SEMA5A: variants seen among roughly 807,000 people sequenced by gnomAD.
The protein encoded by SEMA5A is semaphorin 5A.
A neutral mutation model predicts 135.5 loss-of-function variants in SEMA5A; 55 were observed. The observed-to-expected ratio is 0.41, with a 90% CI of 0.33 to 0.51. The LOEUF is 0.51. SEMA5A is among the 20% of genes least tolerant of loss of function. The probability of loss-of-function intolerance (pLI) is 0.37; values close to 1 mark genes in which losing one functional copy is unlikely to be tolerated. For synonymous variants in SEMA5A, 580 were observed against 546.5 expected (o/e 1.06, Z -0.85); for missense variants, 1,290 against 1,419.9 (o/e 0.91, Z 1.47).
intron 5 of SEMA5A, among the ~76,000 whole-genome samples, chr5:9,281,678 G>T (rs1190080967): frequency 1.3e-5 from 2 of 152,120 alleles, no homozygotes; most frequent in Admixed American, 6.5e-5. Flanking sequence ...TCACCAAATA[G>T]GGTAAGGCAA....
At chr5:9,104,102 A>C (rs1207445109) in intron 16 of SEMA5A, among the ~76,000 whole-genome samples, 2 of 152,176 alleles carry the variant, frequency 1.3e-5, no homozygotes, top group African/African-American at 2.4e-5. Flanking sequence ...TGTGTCATTA[A>C]ATTCTATTTG....
intron 2 of SEMA5A, among the ~76,000 whole-genome samples, chr5:9,402,477 T>A (rs1050638240): frequency 2.0e-5 from 3 of 152,222 alleles, no homozygotes; most frequent in African/African-American, 7.2e-5. Flanking sequence ...ATTCTCTTTT[T>A]TCTTCTTCTA....
chr5:9,162,448 G>GCA (rs1579514532), intron 11 of SEMA5A, among the ~76,000 whole-genome samples: 1 of 94,396 alleles, frequency 1.1e-5, no homozygotes, highest in East Asian at 3.3e-4. Context: ...ATGTGTATGT[G>GCA]TATATATATG....
At chr5:9,245,620 A>C (rs2150475101) in intron 5 of SEMA5A, among the ~76,000 whole-genome samples, 1 of 152,326 alleles carries the variant, frequency 6.6e-6, no homozygotes, top group South Asian at 2.1e-4. Flanking sequence ...CGGACACCTT[A>C]TTCCGTACTC....
At position 9,357,974 on chromosome 5, in the gene SEMA5A, A is replaced by G. The variant is rs145696821; in HGVS notation, c.125-20162T>C. On this transcript the variant is annotated intron_variant, in intron 3 of 22. Transcript: ENST00000382496. ...CATTTTCCAGTGCTGAAATTCAACT[A>G]AGAAACAGGGATTGTTGAATTTTGT... Among the ~76,000 whole-genome samples the G allele has an allele frequency of 1.5e-3, 223 of 152,336 alleles. 1 individual carries two copies. The highest frequency in any genetic ancestry group is 5.1e-3 in the African/African-American group (211 of 41,588).
intron 1 of SEMA5A, among the ~76,000 whole-genome samples, chr5:9,476,936 C>T (rs947788695): frequency 6.6e-6 from 1 of 151,852 alleles, no homozygotes; most frequent in Non-Finnish European, 1.5e-5. Flanking sequence ...AAAAAAATAG[C>T]CATGCATGGT....
At chr5:9,463,892 G>A (rs1759152627) in intron 1 of SEMA5A, among the ~76,000 whole-genome samples, 1 of 152,176 alleles carries the variant, frequency 6.6e-6, no homozygotes, top group African/African-American at 2.4e-5. Context: ...CTGCGTTGTG[G>A]CTTTGGGGGA....
chr5:9,108,317 A>T, intron 15 of SEMA5A, 30 bp from the exon 16 acceptor site: 5 of 1,610,890 alleles, frequency 3.1e-6, no homozygotes, highest in African/African-American at 1.3e-5. Flanking sequence ...ATGACAAGGA[A>T]ACTAATTAGT....
chr5:9,238,670 G>T (rs1280120397), intron 5 of SEMA5A, among the ~76,000 whole-genome samples: 1 of 150,274 alleles, frequency 6.7e-6, no homozygotes, highest in Non-Finnish European at 1.5e-5. Context: ...CTCGTGAATA[G>T]TTTTTTGCGC....
intron 1 of SEMA5A, among the ~76,000 whole-genome samples, chr5:9,472,263 G>A (rs1202772228): frequency 1.3e-5 from 2 of 152,076 alleles, no homozygotes; most frequent in Non-Finnish European, 2.9e-5. Context: ...CTTTGCCTTT[G>A]GTTTTTCTTC....
intron 1 of SEMA5A, among the ~76,000 whole-genome samples, chr5:9,515,189 C>T (rs899701738): frequency 5.3e-5 from 8 of 152,148 alleles, no homozygotes; most frequent in Non-Finnish European, 1.0e-4. Flanking sequence ...AAGTGGCTGA[C>T]GGAGCTGTGA....
At chr5:9,406,289 G>A (rs1387832532) in intron 2 of SEMA5A, among the ~76,000 whole-genome samples, 1 of 152,172 alleles carries the variant, frequency 6.6e-6, no homozygotes, top group Admixed American at 6.5e-5. Flanking sequence ...AGATAACACA[G>A]GCTTCTAAAA....
chr5:9,184,256 G>GTT (rs56212340), intron 11 of SEMA5A, among the ~76,000 whole-genome samples: 175 of 148,308 alleles, frequency 1.2e-3, no homozygotes, highest in East Asian at 4.9e-3. Flanking sequence ...TTCATTTTTA[G>GTT]TTTTTTTTTT....
intron 11 of SEMA5A, among the ~76,000 whole-genome samples, chr5:9,182,613 C>A (rs964828425): frequency 6.6e-6 from 1 of 151,926 alleles, no homozygotes; most frequent in Admixed American, 6.6e-5. Context: ...TATCTTCTGG[C>A]TGAGCATGCC....
At position 9,315,053 on chromosome 5, in the gene SEMA5A, GT is replaced by G. The variant is rs543577902; in HGVS notation, c.270+3318del. Reference sequence around the variant, plus strand: ...GGCAATGATGAGAAAAGTACAATCAGTTTCCTTGACCTCACAAAAATATATA... The same window carrying G: ...GGCAATGATGAGAAAAGTACAATCAGTTCCTTGACCTCACAAAAATATATA... On this transcript the variant is annotated intron_variant, in intron 5 of 22. Transcript: ENST00000382496. 9.2e-5 allele frequency among the ~76,000 whole-genome samples: 14 copies of G among 152,202 alleles called. No homozygotes were observed. In the East Asian group the frequency reaches 2.3e-3, roughly 25 times the overall value.
intron 1 of SEMA5A, among the ~76,000 whole-genome samples, chr5:9,495,483 G>A (rs1292902388): frequency 2.0e-5 from 3 of 152,172 alleles, no homozygotes; most frequent in Non-Finnish European, 2.9e-5. Flanking sequence ...AATAGAATCT[G>A]TGCTCCATCA....
chr5:9,083,629 T>C (rs538733829), intron 16 of SEMA5A, among the ~76,000 whole-genome samples: 60 of 151,872 alleles, frequency 4.0e-4, no homozygotes, highest in Middle Eastern at 6.8e-3. Flanking sequence ...CATCCATCCA[T>C]CCATCTTTCA....
At chr5:9,119,177 G>A (rs1332767903) in intron 14 of SEMA5A, 36 bp from the exon 15 acceptor site, 3 of 1,603,134 alleles carry the variant, frequency 1.9e-6, no homozygotes, top group Admixed American at 1.7e-5. Flanking sequence ...ATTAGGTCCC[G>A]CAGGCTCAGA....
chr5:9,109,225 A>G (rs958426704), intron 15 of SEMA5A, among the ~76,000 whole-genome samples: 3 of 151,166 alleles, frequency 2.0e-5, no homozygotes, highest in Non-Finnish European at 2.9e-5. Context: ...TATTTTTAGT[A>G]GAGACGGGGT....
Sources: gnomAD v4.1 joint callset for allele counts (sites outside exome capture counted in the v4.1 genomes callset) on GRCh38, gnomAD v4.1.1 for gene constraint, MANE v1.5 for transcripts, NCBI Gene and HGNC (gene_info 2026-07-23, HGNC 2026-07-21) for gene names.